Variants in TLE3 observed in about 807,000 individuals in gnomAD.
TLE3 encodes transducin-like enhancer protein 3.
In TLE3, 14 loss-of-function variants were observed where a neutral mutation model predicts 93.0. The observed-to-expected ratio is 0.15, with a 90% CI of 0.10 to 0.24. The LOEUF is 0.24. Ranked by LOEUF, TLE3 falls within the 10% of genes least tolerant of loss-of-function variation. TLE3 has a pLI of 1.00. For missense variants in TLE3, 693 were observed against 1,046.6 expected (o/e 0.66, Z 4.66); for synonymous variants, 451 against 425.0 (o/e 1.06, Z -0.75).
intron 13 of TLE3, 121 bp downstream of exon 13, chr15:70,057,338 G>C (rs1206197842): frequency 2.6e-6 from 3 of 1,165,258 alleles, no homozygotes; most frequent in African/African-American, 3.1e-5. Flanking sequence ...CTTCCCACAG[G>C]GGCAGCTGCC....
chr15:70,064,658 C>A (rs564312942), intron 7 of TLE3, among the ~76,000 whole-genome samples, 188 bp from the exon 8 acceptor site: 2 of 152,128 alleles, frequency 1.3e-5, no homozygotes, highest in Admixed American at 6.5e-5. Context: ...CATTAGGTGG[C>A]GTTTCTCGGT....
In TLE3 at chr15:70,097,841, C is replaced by A. The variant is rs1445271342; in HGVS notation, c.-1043G>T. ...CAAAAAAAAAAGTGCCCCGGACCTA[C>A]GGATACCACACACAGACAGGCGAAG... On this transcript the variant is annotated 5_prime_UTR_variant, in exon 1 of 20. Transcript: ENST00000451782. 2 of 355,456 alleles carry A rather than the reference C, an allele frequency of 5.6e-6. No homozygotes were observed. Among genetic ancestry groups the A allele is most frequent in the East Asian group, 8.2e-5 (2 of 24,428 alleles). The allele number at this position is 355,456 out of a possible 1,614,324, so 22.0% of individuals were successfully genotyped here.
At chr15:70,073,713 G>A (rs2057299718) in intron 6 of TLE3, among the ~76,000 whole-genome samples, 1 of 152,176 alleles carries the variant, frequency 6.6e-6, no homozygotes, top group Non-Finnish European at 1.5e-5. Context: ...TACACCCCAA[G>A]GGTAAGAGCC....
At chr15:70,096,446 CGGGGCTCCCATGCCTTTCACCAA>C in intron 1 of TLE3, 185 bp from the exon 2 acceptor site, 2 of 1,212,942 alleles carry the variant, frequency 1.6e-6, no homozygotes, top group Non-Finnish European at 2.2e-6. Flanking sequence ...CCGTCGGCAG[CGGGGCTCCCATGCCTTTCACCAA>C]GGGCCTCCCT....
At chr15:70,096,427 C>T (rs1362824676) in intron 1 of TLE3, 166 bp from the exon 2 acceptor site, 1 of 1,294,228 alleles carries the variant, frequency 7.7e-7, no homozygotes, top group Non-Finnish European at 1.0e-6. Context: ...GGGGGCGCCC[C>T]ATCTCTCCCC....
At chr15:70,080,509 C>T (rs547605981) in intron 4 of TLE3, among the ~76,000 whole-genome samples, 3 of 152,272 alleles carry the variant, frequency 2.0e-5, no homozygotes, top group African/African-American at 7.2e-5. Context: ...GGAATCTGCA[C>T]TACCAACTGG....
Position 70,059,542 on chromosome 15 carries a change from T to C in TLE3, c.715-82A>G. On this transcript the variant is annotated intron_variant, in intron 9 of 19. Transcript: ENST00000451782. The stretch of plus-strand genomic sequence containing the variant: ...GACTGAGCCCAAACCACCCTGTCCT[T>C]CTACTGGCCAGGACCTGAAGCCAGG... 6 of 1,409,790 alleles carry C rather than the reference T, an allele frequency of 4.3e-6. No homozygotes were observed. The Middle Eastern group carries it at 1.1e-3, about 249-fold the overall frequency. The allele number at this position is 1,409,790 out of a possible 1,614,324, so 87.3% of individuals were successfully genotyped here.
At position 70,054,849 on chromosome 15, in the gene TLE3, G is replaced by C. The variant is rs185285890; in HGVS notation, c.1579-164C>G. On this transcript the variant is annotated intron_variant, in intron 15 of 19. Transcript: ENST00000451782. ...CCATTCCTCAAATTCACAACCCTTT[G>C]ATCTTTCATGAATACCAGGAGGTCA... The C allele has an allele frequency of 5.1e-5, 62 of 1,223,118 alleles. No individual in the cohort carries two copies. In the East Asian group the frequency reaches 1.5e-3, roughly 29 times the overall value. The allele number at this position is 1,223,118 out of a possible 1,614,324, so 75.8% of individuals were successfully genotyped here. A position where few individuals can be genotyped will look rare whatever the true frequency, so the allele number is the denominator to read the frequency against.
chr15:70,082,856 G>A (rs1470850390), intron 4 of TLE3, among the ~76,000 whole-genome samples: 3 of 152,170 alleles, frequency 2.0e-5, no homozygotes, highest in Non-Finnish European at 4.4e-5. Context: ...AGCTAGGACC[G>A]ATCAACGGCA....
chr15:70,073,055 A>G (rs889211588), intron 6 of TLE3, among the ~76,000 whole-genome samples: 1 of 152,196 alleles, frequency 6.6e-6, no homozygotes, highest in African/African-American at 2.4e-5. Context: ...AGCACTGAGA[A>G]GTGTCCCTAT....
chr15:70,048,626 G>C lies in TLE3; in HGVS notation c.*1471C>G, dbSNP rs1595839086. ...GCGGCCTTTAGCTTTTCTTTAAAAG[G>C]AGAAAAAAAAAAAGACCAAAAGGAA... On this transcript the variant is annotated 3_prime_UTR_variant, in exon 20 of 20. Coordinates refer to ENST00000451782, the MANE Select transcript of TLE3 (RefSeq NM_001105192.3). 7.0e-6 allele frequency: 1 copy of C among 143,216 alleles called. No homozygotes were observed. Among genetic ancestry groups the C allele is most frequent in the Non-Finnish European group, 1.5e-5 (1 of 65,174 alleles). The allele number at this position is 143,216 out of a possible 1,614,324, so 8.9% of individuals were successfully genotyped here. A position where few individuals can be genotyped will look rare whatever the true frequency, so the allele number is the denominator to read the frequency against.
intron 2 of TLE3, 82 bp from the exon 3 acceptor site, chr15:70,095,723 A>G: frequency 6.7e-7 from 1 of 1,482,242 alleles, no homozygotes; most frequent in South Asian, 1.3e-5. Context: ...CTCTAGAGCC[A>G]CTTTTCCACT....
intron 4 of TLE3, chr15:70,079,365 T>C: frequency 2.0e-6 from 1 of 498,686 alleles, no homozygotes; most frequent in South Asian, 1.4e-5. Context: ...CTGTGTAGGG[T>C]TGAGGCAGGC....
intron 4 of TLE3, among the ~76,000 whole-genome samples, chr15:70,093,865 A>G (rs1365608016): frequency 6.6e-6 from 1 of 152,150 alleles, no homozygotes; most frequent in Non-Finnish European, 1.5e-5. Flanking sequence ...AGCCATCTCG[A>G]AAGTCCTGGC....
chr15:70,072,545 G>A (rs997850822), intron 6 of TLE3, among the ~76,000 whole-genome samples: 1 of 152,248 alleles, frequency 6.6e-6, no homozygotes, highest in Non-Finnish European at 1.5e-5. Flanking sequence ...CACTGAGACA[G>A]ATGACACAGG....
In TLE3 at chr15:70,097,035, C is replaced by A; in HGVS notation, c.-237G>T. 1 of 566,616 alleles carries A rather than the reference C, an allele frequency of 1.8e-6. No homozygotes were observed. Among genetic ancestry groups the A allele is most frequent in the Non-Finnish European group, 3.0e-6 (1 of 329,628 alleles). The allele number at this position is 566,616 out of a possible 1,614,324, so 35.1% of individuals were successfully genotyped here. On this transcript the variant is annotated 5_prime_UTR_variant, in exon 1 of 20. Transcript: ENST00000451782. ...GTCGGCGGGCGCCGGGGCCGGGCGGCGGGCGCGGGCTTTGTGCGCCTAGGG... is the reference window on the plus strand; with the variant it reads ...GTCGGCGGGCGCCGGGGCCGGGCGGAGGGCGCGGGCTTTGTGCGCCTAGGG...
Position 70,058,948 on chromosome 15 carries a change from A to G in TLE3, c.766-133T>C. 1.7e-6 allele frequency: 2 copies of G among 1,193,800 alleles called. No homozygotes were observed. The highest frequency in any genetic ancestry group is 2.3e-6 in the Non-Finnish European group (2 of 885,208). 74.0% of individuals were successfully genotyped at this position (1,193,800 alleles called of 1,614,324 possible). A position where few individuals can be genotyped will look rare whatever the true frequency, so the allele number is the denominator to read the frequency against. On this transcript the variant is annotated intron_variant, in intron 10 of 19. Coordinates refer to ENST00000451782, the MANE Select transcript of TLE3 (RefSeq NM_001105192.3). This position sits in a 1 kb window ranked among gnomAD's most constrained non-coding sequence, Gnocchi z 4.1. ...TTGGCTGAAAGACTGGGGGCCCCAC[A>G]GTGAGGAAAAACTAGCTCTTAACCA...
intron 5 of TLE3, 76 bp downstream of exon 5, chr15:70,076,020 C>T: frequency 7.2e-7 from 1 of 1,386,596 alleles, no homozygotes; most frequent in Admixed American, 1.7e-5. Flanking sequence ...GGCTGGGGCT[C>T]AGGCTCCAGT....
chr15:70,066,181 G>A lies in TLE3; in HGVS notation c.410C>T (p.Thr137Ile). 1 of 1,545,356 alleles carries A rather than the reference G, an allele frequency of 6.5e-7. No homozygotes were observed. Among genetic ancestry groups the A allele is most frequent in the Non-Finnish European group, 8.7e-7 (1 of 1,146,940 alleles). Residue 137 changes from threonine to isoleucine, a missense_variant, in exon 7 of 20, where the codon ACA becomes ATA. Around this residue, in one of 4 missense-constraint regions of TLE3, gnomAD observed 104 missense variants for 173.8 expected, o/e 0.60. Transcript: ENST00000451782. ...QLQAQHLSHATHGPPVQLPPH... is the reference protein window; with the variant it reads ...QLQAQHLSHAIHGPPVQLPPH... ...TGGCAACTGGACCGGGGGGCCGTGTGTGGCATGGGAGAGGTGCTGCGCCTG... is the reference window on the plus strand; with the variant it reads ...TGGCAACTGGACCGGGGGGCCGTGTATGGCATGGGAGAGGTGCTGCGCCTG...
Sources: gnomAD v4.1 joint callset for allele counts (sites outside exome capture counted in the v4.1 genomes callset) on GRCh38, gnomAD v4.1.1 for gene constraint, gnomAD v4.1.1 regional missense constraint, Gnocchi (gnomAD v3.1) non-coding constraint, MANE v1.5 for transcripts, NCBI Gene and HGNC (gene_info 2026-07-23, HGNC 2026-07-21) for gene names.